ACSS3: variants seen among roughly 807,000 people sequenced by gnomAD.
ACSS3 encodes acyl-CoA synthetase short chain family member 3, also known as acyl-CoA synthetase short-chain family member 3, mitochondrial.
In ACSS3, 64 loss-of-function variants were observed where a neutral mutation model predicts 84.2. The ratio of observed to expected loss-of-function variants is 0.76; its 90% CI spans 0.62 to 0.94. ACSS3 has a LOEUF of 0.94. ACSS3 is among the 40% of genes least tolerant of loss of function. The pLI is 0.00. For missense variants in ACSS3, 815 were observed against 867.6 expected (o/e 0.94, Z 0.76); for synonymous variants, 317 against 310.1 (o/e 1.02, Z -0.23).
intron 2 of ACSS3, among the ~76,000 whole-genome samples, chr12:81,118,386 G>A (rs548161359): frequency 6.6e-6 from 1 of 152,230 alleles, no homozygotes; most frequent in Admixed American, 6.5e-5. Context: ...CTGAAGCTGT[G>A]GCAAAGATAT....
At chr12:81,179,095 G>A (rs947097234) in intron 8 of ACSS3, among the ~76,000 whole-genome samples, 4 of 151,738 alleles carry the variant, frequency 2.6e-5, no homozygotes, top group African/African-American at 4.8e-5. Context: ...AGCCATATGC[G>A]TAAGGTTAAA....
chr12:81,133,620 G>A (rs934932997), intron 2 of ACSS3, among the ~76,000 whole-genome samples: 2 of 151,650 alleles, frequency 1.3e-5, no homozygotes, highest in African/African-American at 2.4e-5. Context: ...GTGAGCTCCC[G>A]GTGAGAATTA....
At chr12:81,204,555 C>T (rs889322930) in intron 9 of ACSS3, among the ~76,000 whole-genome samples, 5 of 152,096 alleles carry the variant, frequency 3.3e-5, no homozygotes, top group South Asian at 2.1e-4. Context: ...TAGATAAAAA[C>T]GCTTTGTTCT....
intron 9 of ACSS3, among the ~76,000 whole-genome samples, chr12:81,205,097 GA>G (rs1372751150): frequency 6.6e-6 from 1 of 152,106 alleles, no homozygotes; most frequent in Non-Finnish European, 1.5e-5. Flanking sequence ...CTGCAGTTCT[GA>G]AGTAATTATA....
At chr12:81,088,543 CTAAG>C (rs1881470629) in intron 1 of ACSS3, among the ~76,000 whole-genome samples, 1 of 151,960 alleles carries the variant, frequency 6.6e-6, no homozygotes, top group Non-Finnish European at 1.5e-5. Context: ...AGATACAATA[CTAAG>C]TGTTTTAATT....
At chr12:81,121,259 G>T (rs190090586) in intron 2 of ACSS3, among the ~76,000 whole-genome samples, 1 of 152,160 alleles carries the variant, frequency 6.6e-6, no homozygotes, top group Non-Finnish European at 1.5e-5. Flanking sequence ...CATGTTTTAT[G>T]TACTGCCGGT....
Position 81,124,532 on chromosome 12 carries a change from G to A in ACSS3, c.457-10284G>A, listed in dbSNP as rs151299556. ...TTGAATCCTGTTAAAGAAAAATCACGTAACTACAAATATAGATTTAATATA... is the reference window on the plus strand; with the variant it reads ...TTGAATCCTGTTAAAGAAAAATCACATAACTACAAATATAGATTTAATATA... On this transcript the variant is annotated intron_variant, in intron 2 of 15. Coordinates refer to ENST00000548058, the MANE Select transcript of ACSS3 (RefSeq NM_024560.4). 3.9e-3 allele frequency: 590 copies of A among 152,218 alleles called. 7 individuals are homozygous for A. The highest frequency in any genetic ancestry group is 0.014 in the African/African-American group (571 of 41,540). The allele number at this position is 152,218 out of a possible 1,614,324, so 9.4% of individuals were successfully genotyped here.
At chr12:81,138,503 T>A (rs2107416) in intron 3 of ACSS3, among the ~76,000 whole-genome samples, 53,522 of 152,126 alleles carry the variant, frequency 0.35, 11,924 homozygotes, top group Non-Finnish European at 0.5. Flanking sequence ...TCTTGAAGAA[T>A]GACTTAACAA....
intron 3 of ACSS3, among the ~76,000 whole-genome samples, chr12:81,136,876 G>A (rs2121562978): frequency 6.6e-6 from 1 of 152,086 alleles, no homozygotes; most frequent in East Asian, 1.9e-4. Flanking sequence ...TTGTGAAACA[G>A]TGGGCAATAT....
chr12:81,242,670 G>C, intron 13 of ACSS3, among the ~76,000 whole-genome samples: 1 of 132,084 alleles, frequency 7.6e-6, no homozygotes, highest in Non-Finnish European at 1.7e-5. Context: ...ATGATCAAGT[G>C]GGCTTCATCC....
At chr12:81,251,472 G>T (rs1022095311) in intron 13 of ACSS3, among the ~76,000 whole-genome samples, 5 of 152,010 alleles carry the variant, frequency 3.3e-5, no homozygotes, top group African/African-American at 1.2e-4. Flanking sequence ...TGTATATGTA[G>T]TGGTAAGATG....
chr12:81,100,041 A>G (rs879429158), intron 1 of ACSS3, among the ~76,000 whole-genome samples: 1 of 152,094 alleles, frequency 6.6e-6, no homozygotes, highest in African/African-American at 2.4e-5. Context: ...CAAACATAGA[A>G]TGGGTGAAGT....
intron 13 of ACSS3, among the ~76,000 whole-genome samples, chr12:81,245,583 T>A (rs77492796): frequency 0.019 from 2,830 of 152,326 alleles, 83 homozygotes; most frequent in African/African-American, 0.064. Context: ...CAGAATAGTT[T>A]CTTTTAAGGG....
rs2035195491 is a variant in ACSS3 at position 81,260,780 on chromosome 12, G to T, written c.*5858G>T. The T allele has an allele frequency of 6.6e-6, 1 of 152,058 alleles. No homozygotes were observed. The highest frequency in any genetic ancestry group is 1.5e-5 in the Non-Finnish European group (1 of 68,020). The allele number at this position is 152,058 out of a possible 1,614,324, so 9.4% of individuals were successfully genotyped here. A position where few individuals can be genotyped will look rare whatever the true frequency, so the allele number is the denominator to read the frequency against. On this transcript the variant is annotated 3_prime_UTR_variant, in exon 16 of 16. Coordinates refer to ENST00000548058, the MANE Select transcript of ACSS3 (RefSeq NM_024560.4). ...GTGAGTTGTTCCTCTGTCTATAACT[G>T]TTTTCTCTTAACCCTGTGCACACAT...
chr12:81,148,684 A>G (rs1173763286), intron 5 of ACSS3, among the ~76,000 whole-genome samples: 3 of 152,092 alleles, frequency 2.0e-5, no homozygotes, highest in Non-Finnish European at 4.4e-5. Flanking sequence ...AAAAGATCGG[A>G]ACAGCATATT....
intron 7 of ACSS3, among the ~76,000 whole-genome samples, chr12:81,164,005 T>C (rs1369226055): frequency 3.3e-5 from 5 of 152,292 alleles, no homozygotes; most frequent in Middle Eastern, 3.4e-3. Flanking sequence ...AGCTTAAGTG[T>C]GCAGTGTTTA....
At chr12:81,208,909 C>T (rs1196012163) in intron 9 of ACSS3, among the ~76,000 whole-genome samples, 3 of 152,126 alleles carry the variant, frequency 2.0e-5, no homozygotes, top group East Asian at 3.9e-4. Context: ...CTCCCTTTTC[C>T]CCAGAAGAAA....
intron 13 of ACSS3, among the ~76,000 whole-genome samples, chr12:81,238,272 A>G (rs1354079663): frequency 2.1e-5 from 3 of 145,162 alleles, no homozygotes; most frequent in Non-Finnish European, 4.7e-5. Flanking sequence ...GGCCTCTGTC[A>G]ATAGTTTTTT....
At chr12:81,213,587 C>CTCTCT (rs2032691422) in intron 9 of ACSS3, among the ~76,000 whole-genome samples, 1 of 9,978 alleles carries the variant, frequency 1.0e-4, no homozygotes, top group Non-Finnish European at 2.1e-4. Flanking sequence ...CTCTCCTCCC[C>CTCTCT]TCCCCTCCCC....
Sources: allele counts gnomAD v4.1 joint callset (sites outside exome capture counted in the v4.1 genomes callset), GRCh38; gene constraint gnomAD v4.1.1; transcripts MANE v1.5; gene names NCBI Gene and HGNC (gene_info 2026-07-23, HGNC 2026-07-21).